GNPTAB: variants seen among roughly 807,000 people sequenced by gnomAD.
The protein encoded by GNPTAB is N-acetylglucosamine-1-phosphotransferase subunits alpha/beta.
A neutral mutation model predicts 136.6 loss-of-function variants in GNPTAB; 92 were observed. That is an observed-to-expected ratio of 0.67 (90% confidence interval 0.57 to 0.80). The LOEUF is 0.80. Among genes scored for constraint, GNPTAB ranks in the 30% least tolerant of loss-of-function variants. GNPTAB has a pLI of 0.00. For synonymous variants in GNPTAB, 512 were observed against 535.1 expected (o/e 0.96, Z 0.60); for missense variants, 1,343 against 1,501.8 (o/e 0.89, Z 1.75).
At chr12:101,770,904 A>G in intron 8 of GNPTAB, 92 bp downstream of exon 8, 3 of 1,220,782 alleles carry the variant, frequency 2.5e-6, no homozygotes, top group Non-Finnish European at 3.6e-6. Context: ...ACCTCTCTGT[A>G]AGTCCCCTTC....
intron 1 of GNPTAB, among the ~76,000 whole-genome samples, chr12:101,822,420 G>A (rs1394271775): frequency 6.6e-6 from 1 of 151,952 alleles, no homozygotes; most frequent in African/African-American, 2.4e-5. Flanking sequence ...TCAAAAAAAA[G>A]AAAGAAAGAA....
intron 1 of GNPTAB, among the ~76,000 whole-genome samples, chr12:101,797,145 T>G (rs562386500): frequency 6.6e-6 from 1 of 152,248 alleles, no homozygotes; most frequent in South Asian, 2.1e-4. Context: ...AGGGCAACTG[T>G]GTGGCTGGCT....
In GNPTAB at chr12:101,771,107, G is replaced by A. The variant is rs748297191; in HGVS notation, c.822C>T (p.Pro274=). The change falls in exon 8 of 21, where the codon CCC becomes CCT. Residue 274 remains proline, a synonymous_variant. Coordinates refer to ENST00000299314, the MANE Select transcript of GNPTAB (RefSeq NM_024312.5). ...ASVALLKLNN[P]KDFQELNKQT... ...GCTTATTCAATTCTTGAAAATCCTT[G>A]GGGTTATTCAGTTTTAGAAGCGCTA... 2.5e-6 allele frequency: 4 copies of A among 1,613,564 alleles called. No individual in the cohort carries two copies. The South Asian group carries it at 3.3e-5, about 13-fold the overall frequency.
chr12:101,817,407 AC>A (rs1235137978), intron 1 of GNPTAB, among the ~76,000 whole-genome samples: 1 of 151,538 alleles, frequency 6.6e-6, no homozygotes, highest in Non-Finnish European at 1.5e-5. Context: ...AGCTGGGACT[AC>A]AGGCACGTGC....
chr12:101,773,674 G>C (rs1953216590), intron 7 of GNPTAB: 1 of 152,430 alleles, frequency 6.6e-6, no homozygotes, highest in Non-Finnish European at 1.5e-5. Context: ...AAGAGATGAA[G>C]ATTAATGAGG....
At chr12:101,792,097 G>A (rs1055458773) in intron 2 of GNPTAB, among the ~76,000 whole-genome samples, 4 of 151,960 alleles carry the variant, frequency 2.6e-5, no homozygotes, top group Non-Finnish European at 5.9e-5. Context: ...GGGGAGGCGG[G>A]GCGGTCAGTT....
chr12:101,790,121 T>C, intron 2 of GNPTAB, 64 bp from the exon 3 acceptor site: 2 of 1,609,194 alleles, frequency 1.2e-6, no homozygotes, highest in Non-Finnish European at 1.7e-6. Flanking sequence ...GTAATAAGAA[T>C]ATCACAGGGT....
At chr12:101,759,092 A>G (rs1952948630) in intron 16 of GNPTAB, among the ~76,000 whole-genome samples, 1 of 152,086 alleles carries the variant, frequency 6.6e-6, no homozygotes, top group Non-Finnish European at 1.5e-5. Context: ...CGCTGGGTGC[A>G]GTGGCTCACG....
At chr12:101,781,998 A>T (rs1211215801) in intron 5 of GNPTAB, among the ~76,000 whole-genome samples, 1 of 152,226 alleles carries the variant, frequency 6.6e-6, no homozygotes, top group African/African-American at 2.4e-5. Context: ...TAGGTAACAA[A>T]GCCGCAATCA....
chr12:101,802,549 G>A (rs1245080196), intron 1 of GNPTAB, among the ~76,000 whole-genome samples: 3 of 151,998 alleles, frequency 2.0e-5, no homozygotes, highest in Non-Finnish European at 4.4e-5. Flanking sequence ...TAAAGACTAT[G>A]GATAGAGTCA....
At position 101,754,439 on chromosome 12, in the gene GNPTAB, TA is replaced by T. The variant is rs200343344; in HGVS notation, c.3435-901del. ...AAGCGAGACTCTGTCTCAAAAAGATTAAAAAAAAAAAATCAAAACCAAGTTC... is the reference window on the plus strand; with the variant it reads ...AAGCGAGACTCTGTCTCAAAAAGATTAAAAAAAAAAATCAAAACCAAGTTC... On this transcript the variant is annotated intron_variant, in intron 18 of 20. Coordinates refer to ENST00000299314, the MANE Select transcript of GNPTAB (RefSeq NM_024312.5). Among the ~76,000 whole-genome samples, 3,613 of 141,414 alleles carry T rather than the reference TA, an allele frequency of 0.026. 332 individuals are homozygous for T. The East Asian group carries it at 0.32, about 13-fold the overall frequency. The allele number at this position is 141,414 out of a possible 152,430, so 92.8% of individuals were successfully genotyped here.
intron 7 of GNPTAB, 91 bp from the exon 8 acceptor site, chr12:101,771,248 T>A: frequency 1.8e-6 from 1 of 541,096 alleles, no homozygotes; most frequent in African/African-American, 2.2e-5. Context: ...AATCTTTCCT[T>A]TTTTTTTTTT....
At chr12:101,808,738 G>A (rs1044604851) in intron 1 of GNPTAB, among the ~76,000 whole-genome samples, 1 of 152,140 alleles carries the variant, frequency 6.6e-6, no homozygotes, top group Non-Finnish European at 1.5e-5. Context: ...CCTGAGGTCG[G>A]GAGTTCGAGA....
At chr12:101,827,786 G>A (rs922485714) in intron 1 of GNPTAB, among the ~76,000 whole-genome samples, 7 of 152,090 alleles carry the variant, frequency 4.6e-5, no homozygotes, top group Non-Finnish European at 8.8e-5. Flanking sequence ...CCAACATGGT[G>A]AAACCCTGTC....
rs575366271 is a variant in GNPTAB, at chr12:101,824,009, G to A, written c.117+6550C>T. On this transcript the variant is annotated intron_variant, in intron 1 of 20. Transcript: ENST00000299314. Reference sequence around the variant, plus strand: ...GTGTCTTCAAGACATCTGTTGTTCCGGCCCTTCTTTGGGTAACAGCCTTGT... The same window carrying A: ...GTGTCTTCAAGACATCTGTTGTTCCAGCCCTTCTTTGGGTAACAGCCTTGT... Among the ~76,000 whole-genome samples the A allele has an allele frequency of 5.9e-5, 9 of 152,150 alleles. No homozygotes were observed. The South Asian group carries it at 1.0e-3, about 18-fold the overall frequency.
chr12:101,784,246 T>A (rs1868503435), intron 5 of GNPTAB, among the ~76,000 whole-genome samples: 1 of 152,166 alleles, frequency 6.6e-6, no homozygotes, highest in Non-Finnish European at 1.5e-5. Context: ...AGGAGCTTCA[T>A]GAAGGAGAGA....
intron 4 of GNPTAB, among the ~76,000 whole-genome samples, chr12:101,786,519 A>G (rs1868659323): frequency 6.6e-6 from 1 of 152,200 alleles, no homozygotes; most frequent in African/African-American, 2.4e-5. Flanking sequence ...TTTTTTAAAG[A>G]TTATTCATAA....
chr12:101,817,117 G>A (rs1870547999), intron 1 of GNPTAB, among the ~76,000 whole-genome samples: 1 of 151,950 alleles, frequency 6.6e-6, no homozygotes, highest in Admixed American at 6.6e-5. Context: ...CCTGGTGTTC[G>A]ACAGCACAAG....
At chr12:101,756,569 G>C in intron 18 of GNPTAB, 1 of 283,018 alleles carries the variant, frequency 3.5e-6, no homozygotes, top group Non-Finnish European at 7.2e-6. Context: ...GTGAGATCCT[G>C]TCTCAAAAAA....
Sources: allele counts gnomAD v4.1 joint callset (sites outside exome capture counted in the v4.1 genomes callset), GRCh38; gene constraint gnomAD v4.1.1; transcripts MANE v1.5; gene names NCBI Gene and HGNC (gene_info 2026-07-23, HGNC 2026-07-21).